SLC28A3: variants seen among roughly 807,000 people sequenced by gnomAD.
The protein encoded by SLC28A3 is solute carrier family 28 member 3.
SLC28A3 carries 68 observed loss-of-function variants against 84.2 expected under a neutral mutation model. That is an observed-to-expected ratio of 0.81 (90% CI 0.66 to 0.99). SLC28A3 has a LOEUF of 0.99. Among genes scored for constraint, SLC28A3 ranks in the 50% least tolerant of loss-of-function variants. The probability of loss-of-function intolerance (pLI) is 0.00; values close to 1 mark genes in which losing one functional copy is unlikely to be tolerated. For missense variants in SLC28A3, 712 were observed against 841.5 expected (o/e 0.85, Z 1.90); for synonymous variants, 267 against 303.6 (o/e 0.88, Z 1.25).
chr9:84,331,217 G>A (rs981850298), intron 1 of SLC28A3, among the ~76,000 whole-genome samples: 7 of 152,114 alleles, frequency 4.6e-5, no homozygotes, highest in African/African-American at 1.4e-4. Context: ...TCCCAAAAGC[G>A]AATTATTGTC....
In SLC28A3 at chr9:84,299,648, A is replaced by G; in HGVS notation, c.602T>C (p.Leu201Pro). 6.2e-7 allele frequency: 1 copy of G among 1,613,922 alleles called. No homozygotes were observed. The highest frequency in any genetic ancestry group is 8.5e-7 in the Non-Finnish European group (1 of 1,179,954). ...FDTAKLGQQQ[L>P]VSFGGLIMYI... is the part of the protein sequence containing the mutation. ...CATTATGAGCCCACCGAAGGACACC[A>G]GCTGCTGTTGACCCAATTTGGCAGT... is the stretch of plus-strand genomic sequence containing the variant. Residue 201 changes from leucine (L) to proline (P), a missense_variant, in exon 6 of 18, where the codon CTG (leucine) becomes CCG (proline). By Grantham distance (98) the Leu-to-Pro change is moderately conservative (BLOSUM62 -3). Transcript: ENST00000376238.
intron 1 of SLC28A3, among the ~76,000 whole-genome samples, chr9:84,337,292 A>G (rs1827009667): frequency 1.3e-5 from 2 of 152,036 alleles, no homozygotes; most frequent in African/African-American, 4.8e-5. Flanking sequence ...AGAGGCGGCC[A>G]TATCTAGGGG....
the SLC28A3 span, among the ~76,000 whole-genome samples, chr9:84,355,080 A>C: frequency 6.6e-6 from 1 of 151,940 alleles, no homozygotes; most frequent in Non-Finnish European, 1.5e-5. Flanking sequence ...AGGGATAATC[A>C]ATTGGAATTA....
the SLC28A3 span, among the ~76,000 whole-genome samples, chr9:84,346,992 TG>T: frequency 6.6e-6 from 1 of 151,894 alleles, no homozygotes; most frequent in Non-Finnish European, 1.5e-5. Context: ...CTGGCCAACA[TG>T]GTAAAATGCT....
At chr9:84,362,078 T>A in the SLC28A3 span, among the ~76,000 whole-genome samples, 1 of 152,216 alleles carries the variant, frequency 6.6e-6, no homozygotes, top group African/African-American at 2.4e-5. Flanking sequence ...GACTTATTAG[T>A]GTTTTTTGTG....
chr9:84,327,501 C>T (rs1826609631), intron 1 of SLC28A3, among the ~76,000 whole-genome samples: 1 of 152,080 alleles, frequency 6.6e-6, no homozygotes, highest in African/African-American at 2.4e-5. Context: ...ATGATAGCCT[C>T]AACAACCCTG....
At chr9:84,366,663 G>T in the SLC28A3 span, among the ~76,000 whole-genome samples, 7 of 152,144 alleles carry the variant, frequency 4.6e-5, no homozygotes, top group Admixed American at 3.9e-4. Flanking sequence ...TGATGGTCTT[G>T]GACAAGATCT....
At chr9:84,327,181 A>G (rs1826595058) in intron 1 of SLC28A3, among the ~76,000 whole-genome samples, 1 of 152,096 alleles carries the variant, frequency 6.6e-6, no homozygotes, top group Non-Finnish European at 1.5e-5. Flanking sequence ...TTCTGTGACC[A>G]TTAGGGGCCT....
upstream of SLC28A3, among the ~76,000 whole-genome samples, chr9:84,345,656 C>T (rs1827237769): frequency 6.6e-6 from 1 of 152,138 alleles, no homozygotes; most frequent in Non-Finnish European, 1.5e-5. Context: ...ACAGTGACCT[C>T]CCTCATCCAT....
At chr9:84,313,888 G>T (rs962967044) in intron 1 of SLC28A3, among the ~76,000 whole-genome samples, 1 of 142,396 alleles carries the variant, frequency 7.0e-6, no homozygotes. Context: ...AAAAAGAAAA[G>T]AAAAGAAAGT....
chr9:84,279,848 A>T, intron 16 of SLC28A3, 127 bp downstream of exon 16: 1 of 839,664 alleles, frequency 1.2e-6, no homozygotes, highest in Non-Finnish European at 1.9e-6. Context: ...CAGTATGCTT[A>T]AGAGCAGCTC....
At chr9:84,304,841 G>A (rs916063150) in intron 4 of SLC28A3, among the ~76,000 whole-genome samples, 1 of 152,196 alleles carries the variant, frequency 6.6e-6, no homozygotes, top group Non-Finnish European at 1.5e-5. Context: ...GGCCAACACA[G>A]TGAAACCCTG....
chr9:84,294,120 T>A, intron 9 of SLC28A3, 75 bp downstream of exon 9: 1 of 1,366,286 alleles, frequency 7.3e-7, no homozygotes, highest in Non-Finnish European at 1.0e-6. Context: ...AATACCTGCA[T>A]AAAAGGCCTT....
chr9:84,299,235 A>G (rs373789965), intron 6 of SLC28A3, among the ~76,000 whole-genome samples: 141 of 152,338 alleles, frequency 9.3e-4, no homozygotes, highest in African/African-American at 3.2e-3. Context: ...GCAGGATCCA[A>G]TGGAGGACTA....
chr9:84,305,367 G>A, intron 3 of SLC28A3, 22 bp from the exon 4 acceptor site: 4 of 1,597,484 alleles, frequency 2.5e-6, no homozygotes, highest in Non-Finnish European at 3.4e-6. Flanking sequence ...AAGCAAAAAG[G>A]CAGGGAGAAG....
At chr9:84,348,831 G>A in the SLC28A3 span, among the ~76,000 whole-genome samples, 4 of 152,080 alleles carry the variant, frequency 2.6e-5, no homozygotes. Flanking sequence ...TTATGATGCA[G>A]CACAAAGGCC....
At chr9:84,324,170 G>A (rs778542073) in intron 1 of SLC28A3, among the ~76,000 whole-genome samples, 5 of 152,210 alleles carry the variant, frequency 3.3e-5, no homozygotes, top group South Asian at 4.1e-4. Context: ...TAAATAGACC[G>A]GTGCTCCCAA....
chr9:84,296,247 A>G (rs1005547335), intron 8 of SLC28A3, among the ~76,000 whole-genome samples: 1 of 152,192 alleles, frequency 6.6e-6, no homozygotes, highest in African/African-American at 2.4e-5. Flanking sequence ...AAACCAGCTA[A>G]ACTGCCAGGT....
chr9:84,326,658 AACAACAACAAC>A (rs1826562960), intron 1 of SLC28A3, among the ~76,000 whole-genome samples: 1 of 151,698 alleles, frequency 6.6e-6, no homozygotes. Flanking sequence ...CAACAACAAC[AACAACAACAAC>A]AACAACAACA....
Sources: allele counts gnomAD v4.1 joint callset (sites outside exome capture counted in the v4.1 genomes callset), GRCh38; gene constraint gnomAD v4.1.1; transcripts MANE v1.5; gene names NCBI Gene and HGNC (gene_info 2026-07-23, HGNC 2026-07-21).